Variants in AIG1 observed in about 807,000 individuals in gnomAD.
AIG1 encodes androgen-induced gene 1 protein.
Under a neutral mutation model 31.4 loss-of-function variants are expected in AIG1, and 23 were observed. The ratio of observed to expected loss-of-function variants is 0.73; its 90% CI spans 0.53 to 1.04. The LOEUF (loss-of-function observed/expected upper bound fraction) is 1.04. Among genes scored for constraint, AIG1 ranks in the 50% least tolerant of loss-of-function variants. The pLI is 0.00. For missense variants in AIG1, 274 were observed against 295.0 expected (o/e 0.93, Z 0.52); for synonymous variants, 100 against 110.5 (o/e 0.90, Z 0.60).
chr6:143,110,234 A>T (rs1325693811), intron 1 of AIG1, among the ~76,000 whole-genome samples: 1 of 152,126 alleles, frequency 6.6e-6, no homozygotes, highest in Non-Finnish European at 1.5e-5. Context: ...TATAACTGTA[A>T]ATTAAATCTT....
At chr6:143,290,451 T>C (rs9496559) in intron 4 of AIG1, among the ~76,000 whole-genome samples, 55,287 of 152,106 alleles carry the variant, frequency 0.36, 12,572 homozygotes, top group East Asian at 0.74. Flanking sequence ...GCATGCGCAG[T>C]GTGTTTACCG....
At chr6:143,264,410 C>A (rs1269060968) in intron 3 of AIG1, among the ~76,000 whole-genome samples, 1 of 152,096 alleles carries the variant, frequency 6.6e-6, no homozygotes, top group Non-Finnish European at 1.5e-5. Context: ...ATCTTCAAGG[C>A]CCCAAATTCT....
chr6:143,136,580 T>G (rs191786683), intron 1 of AIG1, among the ~76,000 whole-genome samples: 1 of 152,300 alleles, frequency 6.6e-6, no homozygotes, highest in Non-Finnish European at 1.5e-5. Flanking sequence ...ATGGGCCCTA[T>G]TTAGATGTGT....
chr6:143,149,813 A>G (rs1201171277), intron 2 of AIG1, among the ~76,000 whole-genome samples: 1 of 152,216 alleles, frequency 6.6e-6, no homozygotes, highest in Non-Finnish European at 1.5e-5. Flanking sequence ...AAGCTACCAC[A>G]TGTTTACCCA....
chr6:143,318,020 A>G (rs1775907313), intron 4 of AIG1, among the ~76,000 whole-genome samples: 1 of 152,178 alleles, frequency 6.6e-6, no homozygotes, highest in Non-Finnish European at 1.5e-5. Context: ...ATGGAAACAC[A>G]TCCCATGCTC....
chr6:143,098,874 A>G (rs772527502), intron 1 of AIG1, among the ~76,000 whole-genome samples: 2 of 152,084 alleles, frequency 1.3e-5, no homozygotes, highest in African/African-American at 2.4e-5. Flanking sequence ...AAAAATGTAA[A>G]CCGTTTGGTA....
At chr6:143,095,054 TGCAATA>T (rs1779629755) in intron 1 of AIG1, among the ~76,000 whole-genome samples, 1 of 151,878 alleles carries the variant, frequency 6.6e-6, no homozygotes, top group African/African-American at 2.4e-5. Context: ...AAAAAGGAAA[TGCAATA>T]GCAAAATTAA....
At chr6:143,217,778 G>C (rs1277778023) in intron 3 of AIG1, among the ~76,000 whole-genome samples, 1 of 152,124 alleles carries the variant, frequency 6.6e-6, no homozygotes. Flanking sequence ...CAAAGTGCGG[G>C]GATTACAGGC....
At chr6:143,255,728 G>T (rs1471254615) in intron 3 of AIG1, among the ~76,000 whole-genome samples, 1 of 152,010 alleles carries the variant, frequency 6.6e-6, no homozygotes, top group Non-Finnish European at 1.5e-5. Flanking sequence ...GATTTTTCTG[G>T]AGAGAGGGAT....
In AIG1 at chr6:143,191,060, G is replaced by A. The variant is rs191973363; in HGVS notation, c.399+25877G>A. Reference sequence around the variant, plus strand: ...TTTGTTGGTCTCACAAGCATCCCTGGGGTTCAAAAAATGTGGGTATTGGAA... The same window carrying A: ...TTTGTTGGTCTCACAAGCATCCCTGAGGTTCAAAAAATGTGGGTATTGGAA... On this transcript the variant is annotated intron_variant, in intron 3 of 5. Transcript: ENST00000357847. 5.9e-5 allele frequency among the ~76,000 whole-genome samples: 9 copies of A among 152,064 alleles called. No homozygotes were observed. In the East Asian group the frequency reaches 1.5e-3, roughly 26 times the overall value.
intron 4 of AIG1, among the ~76,000 whole-genome samples, chr6:143,303,440 A>G (rs1250117871): frequency 1.3e-5 from 2 of 151,754 alleles, no homozygotes; most frequent in African/African-American, 2.4e-5. Context: ...AGCTTTCTAC[A>G]TATGGCTAGC....
At chr6:143,341,876 G>C (rs1777863814), downstream of AIG1, among the ~76,000 whole-genome samples, 1 of 152,150 alleles carries the variant, frequency 6.6e-6, no homozygotes, top group Admixed American at 6.5e-5. Flanking sequence ...AAGTCTTTTT[G>C]CTGGAGTAAA....
intron 1 of AIG1, among the ~76,000 whole-genome samples, chr6:143,079,904 G>T (rs761995810): frequency 2.6e-5 from 4 of 151,048 alleles, no homozygotes; most frequent in Non-Finnish European, 5.9e-5. Flanking sequence ...TTTATATCCC[G>T]ATCATTATCC....
intron 3 of AIG1, among the ~76,000 whole-genome samples, chr6:143,185,184 G>C (rs1202935245): frequency 7.8e-6 from 1 of 127,622 alleles, no homozygotes; most frequent in Non-Finnish European, 1.6e-5. Flanking sequence ...GACAGAGCGA[G>C]ACTCCATCTC....
At chr6:143,061,311 C>T (rs574058795) in intron 1 of AIG1, 3 of 636,538 alleles carry the variant, frequency 4.7e-6, no homozygotes, top group Non-Finnish European at 8.9e-6. Context: ...AACTGGGGGA[C>T]AAATGGAGGT....
chr6:143,305,656 A>G (rs1440162004), intron 4 of AIG1, among the ~76,000 whole-genome samples: 13 of 152,086 alleles, frequency 8.5e-5, no homozygotes, highest in Admixed American at 3.9e-4. Flanking sequence ...TATGTGGTCA[A>G]TTTTGGAATA....
intron 3 of AIG1, among the ~76,000 whole-genome samples, chr6:143,211,754 G>A (rs933613218): frequency 2.0e-5 from 3 of 152,198 alleles, no homozygotes; most frequent in East Asian, 1.9e-4. Flanking sequence ...TTAGCTGGAT[G>A]TGGTGGCACA....
chr6:143,095,057 A>G (rs888798140), intron 1 of AIG1, among the ~76,000 whole-genome samples: 1 of 152,194 alleles, frequency 6.6e-6, no homozygotes, highest in African/African-American at 2.4e-5. Flanking sequence ...AAGGAAATGC[A>G]ATAGCAAAAT....
Position 143,203,237 on chromosome 6 carries a change from A to G in AIG1, c.399+38054A>G, listed in dbSNP as rs182484420. Among the ~76,000 whole-genome samples the G allele has an allele frequency of 1.4e-4, 21 of 152,324 alleles. No individual in the cohort carries two copies. In the East Asian group the frequency reaches 3.9e-3, roughly 28 times the overall value. ...TTCAGCAGCTGAATTACTGAAGGTC[A>G]CATAGCTAGACAGTCCTGTGGCCAG... is the stretch of plus-strand genomic sequence containing the variant. On this transcript the variant is annotated intron_variant, in intron 3 of 5. Transcript: ENST00000357847.
Sources: gnomAD v4.1 joint callset for allele counts (sites outside exome capture counted in the v4.1 genomes callset) on GRCh38, gnomAD v4.1.1 for gene constraint, MANE v1.5 for transcripts, NCBI Gene and HGNC (gene_info 2026-07-23, HGNC 2026-07-21) for gene names.